Variants in C10orf90 observed in about 807,000 individuals in gnomAD.
The protein encoded by C10orf90 is chromosome 10 open reading frame 90.
Under a neutral mutation model 62.5 loss-of-function variants are expected in C10orf90, and 56 were observed. The observed-to-expected ratio is 0.90, with a 90% CI of 0.72 to 1.12. The LOEUF (loss-of-function observed/expected upper bound fraction) is 1.12, where lower values mean the gene tolerates loss of function less well. Among genes scored for constraint, C10orf90 ranks in the 50% most tolerant of loss-of-function variants. The pLI, the probability that C10orf90 is intolerant of heterozygous loss-of-function variation, is 0.00. For missense variants in C10orf90, 970 were observed against 880.4 expected, an observed-to-expected ratio of 1.10 and a Z score of -1.29; for synonymous variants, 386 against 340.4, an observed-to-expected ratio of 1.13 and a Z score of -1.47.
At chr10:126,432,613 C>G (rs1006093526) in intron 7 of C10orf90, among the ~76,000 whole-genome samples, 1 of 152,332 alleles carries the variant, frequency 6.6e-6, no homozygotes, top group Non-Finnish European at 1.5e-5. Context: ...AAAGAGCCAA[C>G]TGTGGGAGGA....
chr10:126,502,842 A>G (rs767296246), intron 4 of C10orf90: 2 of 524,132 alleles, frequency 3.8e-6, no homozygotes, highest in South Asian at 1.5e-5. Flanking sequence ...AGTCTGTAAG[A>G]CATGCATTTC....
intron 5 of C10orf90, chr10:126,463,448 C>T (rs946215375): frequency 2.6e-5 from 4 of 152,280 alleles, no homozygotes; most frequent in African/African-American, 4.8e-5. Context: ...AAAGGCTTGG[C>T]TCTGCCTTCA....
At chr10:126,623,489 G>A (rs1188795069) in intron 2 of C10orf90, among the ~76,000 whole-genome samples, 3 of 151,808 alleles carry the variant, frequency 2.0e-5, no homozygotes, top group African/African-American at 4.8e-5. Flanking sequence ...TTTCCTTTGC[G>A]GAGCTCACCA....
At chr10:126,669,691 C>G (rs941801273) in intron 1 of C10orf90, among the ~76,000 whole-genome samples, 6 of 127,960 alleles carry the variant, frequency 4.7e-5, no homozygotes, top group African/African-American at 1.7e-4. Flanking sequence ...CCAAAGTTCT[C>G]TCACTCTCTG....
rs1821517795 is a variant in C10orf90, at chr10:126,646,590, T to A, written c.288A>T (p.Glu96Asp). 3 of 450,808 alleles carry A rather than the reference T, an allele frequency of 6.7e-6. No homozygotes were observed. The highest frequency in any genetic ancestry group is 1.3e-5 in the Non-Finnish European group (3 of 224,644). The allele number at this position is 450,808 out of a possible 1,614,324, so 27.9% of individuals were successfully genotyped here. The change falls in exon 2 of 10, where the codon GAA becomes GAT. Residue 96 changes from glutamate (E) to aspartate (D), a missense_variant. Transcript: ENST00000488181. ...FSSPKDHSAW[E>D]RNESLSNAGL... Reference sequence around the variant, plus strand: ...CTGCATTGGAAAGACTTTCATTTCTTTCCCAGGCAGAATGATCTTTGGGGG... The same window carrying A: ...CTGCATTGGAAAGACTTTCATTTCTATCCCAGGCAGAATGATCTTTGGGGG...
chr10:126,626,372 A>G (rs1051968029), intron 2 of C10orf90, among the ~76,000 whole-genome samples: 5 of 152,088 alleles, frequency 3.3e-5, no homozygotes, highest in African/African-American at 1.2e-4. Context: ...CCCAGAACCC[A>G]CAGTTGTCCT....
At chr10:126,659,009 A>T (rs1846453022) in intron 1 of C10orf90, among the ~76,000 whole-genome samples, 1 of 152,194 alleles carries the variant, frequency 6.6e-6, no homozygotes, top group South Asian at 2.1e-4. Context: ...CAGAGTCTTC[A>T]TGGTTTCTTT....
intron 2 of C10orf90, among the ~76,000 whole-genome samples, chr10:126,539,435 C>T (rs959879079): frequency 1.3e-5 from 2 of 152,088 alleles, no homozygotes; most frequent in African/African-American, 4.8e-5. Context: ...CGTTTTATGG[C>T]AGGAGTGAAG....
rs574253736 is a variant in C10orf90, at chr10:126,566,449, C to G, written c.314-52510G>C. Among the ~76,000 whole-genome samples, 12 of 152,290 alleles carry G rather than the reference C, an allele frequency of 7.9e-5. No individual in the cohort carries two copies. The South Asian group carries it at 2.3e-3, about 29-fold the overall frequency. ...AAACATCAAGAATTACCGCCAGTTT[C>G]AGTGAGTTCCACAATGGAAACACAA... On this transcript the variant is annotated intron_variant, in intron 2 of 9. Coordinates refer to ENST00000488181, the MANE Select transcript of C10orf90 (RefSeq NM_001350921.2).
In C10orf90 at chr10:126,640,292, G is replaced by A. The variant is rs1380867550; in HGVS notation, c.313+6273C>T. Among the ~76,000 whole-genome samples the A allele has an allele frequency of 2.6e-5, 4 of 152,230 alleles. No individual in the cohort carries two copies. In the South Asian group the frequency reaches 8.3e-4, roughly 32 times the overall value. On this transcript the variant is annotated intron_variant, in intron 2 of 9. Transcript: ENST00000488181. ...GCAGGTCAGAAGCCTGTTGCTCAAA[G>A]CTCTTGAAGAGCAGAAAGGCAGATG...
intron 2 of C10orf90, among the ~76,000 whole-genome samples, chr10:126,553,279 G>A (rs757645624): frequency 6.6e-6 from 1 of 151,984 alleles, no homozygotes; most frequent in Non-Finnish European, 1.5e-5. Context: ...GTTCTATTAC[G>A]AACTCCTACA....
At chr10:126,647,345 T>C (rs2133852853) in intron 1 of C10orf90, among the ~76,000 whole-genome samples, 1 of 152,344 alleles carries the variant, frequency 6.6e-6, no homozygotes, top group South Asian at 2.1e-4. Flanking sequence ...TTGGCATGAC[T>C]TGAAGGGGCA....
chr10:126,668,906 A>C (rs1312846752), intron 1 of C10orf90, among the ~76,000 whole-genome samples: 2 of 152,148 alleles, frequency 1.3e-5, no homozygotes, highest in Admixed American at 1.3e-4. Context: ...ATATTGTTTT[A>C]ATCAGTGTGG....
chr10:126,531,170 T>C (rs1417789799), intron 2 of C10orf90, among the ~76,000 whole-genome samples: 1 of 144,556 alleles, frequency 6.9e-6, no homozygotes, highest in African/African-American at 2.6e-5. Flanking sequence ...TGAGACTCCA[T>C]CTGAAAAAAA....
In C10orf90 at chr10:126,514,742, G is replaced by A. The variant is rs185877399; in HGVS notation, c.314-803C>T. Among the ~76,000 whole-genome samples, 146 of 152,280 alleles carry A rather than the reference G, an allele frequency of 9.6e-4. 2 individuals are homozygous for A. The South Asian group carries it at 0.023, about 24-fold the overall frequency. ...CTACCCAGGGCTTACACAGCCTTACGCTACAGACCCTCAGCAGCCACAGCA... is the reference window on the plus strand; with the variant it reads ...CTACCCAGGGCTTACACAGCCTTACACTACAGACCCTCAGCAGCCACAGCA... On this transcript the variant is annotated intron_variant, in intron 2 of 9. Coordinates refer to ENST00000488181, the MANE Select transcript of C10orf90 (RefSeq NM_001350921.2).
intron 2 of C10orf90, among the ~76,000 whole-genome samples, chr10:126,548,585 T>A (rs1171321228): frequency 6.6e-6 from 1 of 152,248 alleles, no homozygotes; most frequent in African/African-American, 2.4e-5. Flanking sequence ...CAGGATGGTC[T>A]CGATCTCCTG....
intron 7 of C10orf90, among the ~76,000 whole-genome samples, chr10:126,458,027 A>G (rs1859696098): frequency 6.6e-6 from 1 of 152,026 alleles, no homozygotes; most frequent in Admixed American, 6.6e-5. Flanking sequence ...ATTCAAATTC[A>G]TCCTTCCCCG....
At position 126,568,844 on chromosome 10, in the gene C10orf90, G is replaced by T. The variant is rs1031583464; in HGVS notation, c.314-54905C>A. On this transcript the variant is annotated intron_variant, in intron 2 of 9. Coordinates refer to ENST00000488181, the MANE Select transcript of C10orf90 (RefSeq NM_001350921.2). ...GAGAAGGCAGGAGGATCTCCAGGAG[G>T]GCTGAAGAGTGAAGACAAGGAGGTT... is the stretch of plus-strand genomic sequence containing the variant. 2.0e-5 allele frequency among the ~76,000 whole-genome samples: 3 copies of T among 152,262 alleles called. No homozygotes were observed. The East Asian group carries it at 5.8e-4, about 30-fold the overall frequency.
At chr10:126,523,959 T>G (rs12570273) in intron 2 of C10orf90, among the ~76,000 whole-genome samples, 21,221 of 152,254 alleles carry the variant, frequency 0.14, 1,552 homozygotes, top group South Asian at 0.28. Flanking sequence ...ACAATATCCA[T>G]ATCCATACAT....
Sources: allele counts gnomAD v4.1 joint callset (sites outside exome capture counted in the v4.1 genomes callset), GRCh38; gene constraint gnomAD v4.1.1; transcripts MANE v1.5; gene names NCBI Gene and HGNC (gene_info 2026-07-23, HGNC 2026-07-21).